The following SEPSECS variants were observed in gnomAD, a reference collection of about 807,000 sequenced individuals.
The protein encoded by SEPSECS is Sep (O-phosphoserine) tRNA:Sec (selenocysteine) tRNA synthase.
Under a neutral mutation model 52.1 loss-of-function variants are expected in SEPSECS, and 42 were observed. The ratio of observed to expected loss-of-function variants is 0.81; its 90% confidence interval spans 0.63 to 1.04. The LOEUF (loss-of-function observed/expected upper bound fraction) is 1.04, where lower values mean the gene tolerates loss of function less well. Ranked by LOEUF, SEPSECS falls within the 50% of genes least tolerant of loss-of-function variation. SEPSECS has a pLI of 0.00. For synonymous variants in SEPSECS, 216 were observed against 211.4 expected (o/e 1.02, Z -0.19); for missense variants, 590 against 610.6 (o/e 0.97, Z 0.36).
chr4:25,133,051 AAT>A, intron 8 of SEPSECS, among the ~76,000 whole-genome samples: 1 of 152,194 alleles, frequency 6.6e-6, no homozygotes, highest in East Asian at 1.9e-4. Flanking sequence ...AAGTACAATG[AAT>A]CTAGCACAGT....
intron 8 of SEPSECS, among the ~76,000 whole-genome samples, chr4:25,139,979 T>C (rs1002387638): frequency 3.9e-5 from 6 of 152,212 alleles, no homozygotes; most frequent in Non-Finnish European, 7.3e-5. Flanking sequence ...AATGACTTAA[T>C]TCTGTTTTTC....
rs1180300180 is a variant in SEPSECS, at chr4:25,124,232, GAAGA to G, written c.1212-11_1212-8del. On this transcript the variant is annotated splice_region_variant and splice_polypyrimidine_tract_variant and intron_variant, in intron 10 of 10. Transcript: ENST00000382103. ...GGACCCAAGAGGCACAACCCTGAAA[GAAGA>G]AAGATTTACCAATTTAATATGTCTG... 11 of 1,612,242 alleles carry G rather than the reference GAAGA, an allele frequency of 6.8e-6. No homozygotes were observed. The South Asian group carries it at 8.8e-5, about 13-fold the overall frequency.
Position 25,122,644 on chromosome 4 carries a change from A to C in SEPSECS, c.*1287T>G, listed in dbSNP as rs908872759. The C allele has an allele frequency of 2.0e-5, 3 of 152,200 alleles. No homozygotes were observed. Among genetic ancestry groups the C allele is most frequent in the African/African-American group, 7.2e-5 (3 of 41,454 alleles). 9.4% of individuals were successfully genotyped at this position (152,200 alleles called of 1,614,324 possible). On this transcript the variant is annotated 3_prime_UTR_variant, in exon 11 of 11. Transcript: ENST00000382103. Reference sequence around the variant, plus strand: ...CATTTTCTCCCCATGAGCATCTTTTAGGAACATGATCCACAGAGCTGGGTT... The same window carrying C: ...CATTTTCTCCCCATGAGCATCTTTTCGGAACATGATCCACAGAGCTGGGTT...
chr4:25,158,834 AG>A, intron 2 of SEPSECS, 118 bp downstream of exon 2: 1 of 975,498 alleles, frequency 1.0e-6, no homozygotes, highest in South Asian at 1.4e-5. Context: ...CCATTAGAGC[AG>A]GGAAGAAGTG....
intron 8 of SEPSECS, among the ~76,000 whole-genome samples, chr4:25,131,660 T>C (rs1258073118): frequency 1.3e-5 from 2 of 152,234 alleles, no homozygotes; most frequent in Non-Finnish European, 2.9e-5. Context: ...GCTGCAAATC[T>C]AGTAGTGTTT....
At chr4:25,129,953 A>C (rs1728545886) in intron 8 of SEPSECS, among the ~76,000 whole-genome samples, 1 of 152,174 alleles carries the variant, frequency 6.6e-6, no homozygotes, top group Non-Finnish European at 1.5e-5. Context: ...CACTTATATA[A>C]TTCACCAAAG....
chr4:25,130,542 T>C (rs936698252), intron 8 of SEPSECS, among the ~76,000 whole-genome samples: 11 of 152,216 alleles, frequency 7.2e-5, no homozygotes, highest in African/African-American at 2.7e-4. Context: ...GTATCACTAG[T>C]ACGGGAGTAA....
chr4:25,145,013 T>C lies in SEPSECS; in HGVS notation c.925A>G (p.Met309Val). Residue 309 changes from methionine to valine, a missense_variant, in exon 7 of 11, where the codon ATG becomes GTG. Transcript: ENST00000382103. ...CAACTTATTTATTTACCTGGATACA[T>C]CTTGCTGATTTCCTGAATGAATGAA... ...NDSFIQEISK[M>V]YPGRASASPS... The C allele has an allele frequency of 6.2e-7, 1 of 1,614,000 alleles. No homozygotes were observed. The highest frequency in any genetic ancestry group is 8.5e-7 in the Non-Finnish European group (1 of 1,179,936).
chr4:25,154,414 G>T (rs1197922137), intron 5 of SEPSECS, among the ~76,000 whole-genome samples: 6 of 152,112 alleles, frequency 3.9e-5, no homozygotes, highest in Non-Finnish European at 7.4e-5. Context: ...CTAGACATGA[G>T]CCTATTACAT....
At chr4:25,158,778 T>G (rs1712850835) in intron 2 of SEPSECS, among the ~76,000 whole-genome samples, 175 bp downstream of exon 2, 1 of 152,226 alleles carries the variant, frequency 6.6e-6, no homozygotes, top group Admixed American at 6.5e-5. Flanking sequence ...AAGCACCTGC[T>G]GAGATAAAAT....
In SEPSECS at chr4:25,123,961, A is replaced by G; in HGVS notation, c.1476T>C (p.Leu492=). ...AAGAAGCATCCTGGTATGTGTCAAG[A>G]AGTACATTATCTAGTTTTAAAGCCA... ...EEMALKLDNV[L]LDTYQDASS The change falls in exon 11 of 11, where the codon CTT becomes CTC. Residue 492 remains leucine (L), a synonymous_variant. Coordinates refer to ENST00000382103, the MANE Select transcript of SEPSECS (RefSeq NM_016955.4). The G allele has an allele frequency of 6.2e-7, 1 of 1,613,616 alleles. No homozygotes were observed. Among genetic ancestry groups the G allele is most frequent in the Non-Finnish European group, 8.5e-7 (1 of 1,179,596 alleles).
In SEPSECS at chr4:25,155,132, T is replaced by C; in HGVS notation, c.567A>G (p.Ile189Met). The C allele has an allele frequency of 6.2e-7, 1 of 1,614,116 alleles. No homozygotes were observed. Among genetic ancestry groups the C allele is most frequent in the Non-Finnish European group, 8.5e-7 (1 of 1,180,002 alleles). Residue 189 changes from isoleucine to methionine, a missense_variant, in exon 5 of 11, where the codon ATA becomes ATG. Physicochemically the swap from Ile to Met is conservative, Grantham distance 10. Coordinates refer to ENST00000382103, the MANE Select transcript of SEPSECS (RefSeq NM_016955.4). Reference protein sequence around the residue: ...MITAGFEPVVIENVLEGDELR... With the variant: ...MITAGFEPVVMENVLEGDELR... ...GCTCGTCACCTTCCAAAACATTTTC[T>C]ATCACCACAGGCTCAAAACCTAACC...
chr4:25,159,747 G>C (rs1382158217), intron 1 of SEPSECS: 3 of 984,108 alleles, frequency 3.0e-6, no homozygotes, highest in African/African-American at 3.6e-5. Flanking sequence ...ATTCCAGCCT[G>C]GGCGAAAGAG....
At chr4:25,157,003 C>CA in intron 2 of SEPSECS, 29 bp from the exon 3 acceptor site, 1 of 1,114,598 alleles carries the variant, frequency 9.0e-7, no homozygotes, top group Non-Finnish European at 1.4e-6. Flanking sequence ...AAAAACTGGA[C>CA]AAATACATTC....
At chr4:25,134,442 CTTAA>C (rs1217445706) in intron 8 of SEPSECS, among the ~76,000 whole-genome samples, 1 of 151,528 alleles carries the variant, frequency 6.6e-6, no homozygotes, top group East Asian at 1.9e-4. Context: ...TCCAGGTGTT[CTTAA>C]ATACCCTGTG....
intron 2 of SEPSECS, among the ~76,000 whole-genome samples, chr4:25,158,274 GC>G (rs1482099835): frequency 6.6e-6 from 1 of 152,158 alleles, no homozygotes; most frequent in Non-Finnish European, 1.5e-5. Context: ...ATTCTACGAT[GC>G]CCAGGAAATT....
chr4:25,123,880 A>G lies in SEPSECS; in HGVS notation c.*51T>C. The G allele has an allele frequency of 6.9e-7, 1 of 1,458,504 alleles. No homozygotes were observed. Among genetic ancestry groups the G allele is most frequent in the Non-Finnish European group, 9.6e-7 (1 of 1,039,742 alleles). The allele number at this position is 1,458,504 out of a possible 1,614,324, so 90.3% of individuals were successfully genotyped here. A position where few individuals can be genotyped will look rare whatever the true frequency, so the allele number is the denominator to read the frequency against. ...TCTTATCTTTAAACTGCTTGCTTGT[A>G]CTACAGCCTTATCATTTCTTTCAAA... On this transcript the variant is annotated 3_prime_UTR_variant, in exon 11 of 11. Coordinates refer to ENST00000382103, the MANE Select transcript of SEPSECS (RefSeq NM_016955.4).
At chr4:25,131,786 T>C (rs1465329735) in intron 8 of SEPSECS, among the ~76,000 whole-genome samples, 2 of 152,224 alleles carry the variant, frequency 1.3e-5, no homozygotes, top group African/African-American at 4.8e-5. Context: ...AGTGCTGTTA[T>C]TCTTCTTATC....
chr4:25,157,567 C>CG (rs1481633502), intron 2 of SEPSECS, among the ~76,000 whole-genome samples: 1 of 142,054 alleles, frequency 7.0e-6, no homozygotes, highest in African/African-American at 2.6e-5. Context: ...CGTTTTGAGA[C>CG]GGAGTCTCGC....
Sources: gnomAD v4.1 joint callset for allele counts (sites outside exome capture counted in the v4.1 genomes callset) on GRCh38, gnomAD v4.1.1 for gene constraint, MANE v1.5 for transcripts, NCBI Gene and HGNC (gene_info 2026-07-23, HGNC 2026-07-21) for gene names.